Variants in DOCK3 observed in about 807,000 individuals in gnomAD.
DOCK3 encodes dedicator of cytokinesis 3, also known as dedicator of cytokinesis protein 3.
Under a neutral mutation model 265.6 loss-of-function variants are expected in DOCK3, and 60 were observed. The observed-to-expected ratio is 0.23, with a 90% CI of 0.18 to 0.28. DOCK3 has a LOEUF of 0.28. Among genes scored for constraint, DOCK3 ranks in the 10% least tolerant of loss-of-function variants. The pLI is 1.00. For missense variants in DOCK3, 1,981 were observed against 2,594.3 expected (o/e 0.76, Z 5.14); for synonymous variants, 881 against 938.0 (o/e 0.94, Z 1.11).
At chr3:51,319,895 G>A (rs1221557188) in intron 32 of DOCK3, among the ~76,000 whole-genome samples, 3 of 151,846 alleles carry the variant, frequency 2.0e-5, no homozygotes, top group Middle Eastern at 3.4e-3. Flanking sequence ...ACAAAAAAAC[G>A]CAATAGCTAT....
chr3:51,176,372 T>A (rs1301760788), intron 12 of DOCK3, among the ~76,000 whole-genome samples: 1 of 152,018 alleles, frequency 6.6e-6, no homozygotes, highest in African/African-American at 2.4e-5. Context: ...ATCCTAGCAC[T>A]TTGGGAGGCC....
At chr3:51,235,861 A>C (rs961887289) in intron 19 of DOCK3, among the ~76,000 whole-genome samples, 5 of 152,244 alleles carry the variant, frequency 3.3e-5, no homozygotes, top group Admixed American at 3.3e-4. Flanking sequence ...TAGACCAAAA[A>C]ATAGTGTCTG....
chr3:50,991,778 A>T (rs1179784983), intron 5 of DOCK3, among the ~76,000 whole-genome samples: 1 of 152,184 alleles, frequency 6.6e-6, no homozygotes, highest in Admixed American at 6.5e-5. Flanking sequence ...AAAAAAAAAC[A>T]ACAGAATATA....
chr3:51,213,796 A>G (rs1268845181), intron 13 of DOCK3, among the ~76,000 whole-genome samples: 2 of 152,158 alleles, frequency 1.3e-5, no homozygotes, highest in Non-Finnish European at 2.9e-5. Context: ...CAACTTATGT[A>G]GTTGAACCCT....
intron 5 of DOCK3, among the ~76,000 whole-genome samples, chr3:50,980,325 T>G (rs1254262604): frequency 6.6e-6 from 1 of 152,232 alleles, no homozygotes; most frequent in Non-Finnish European, 1.5e-5. Flanking sequence ...CTATGGCTTA[T>G]TATCTTTTTG....
intron 9 of DOCK3, among the ~76,000 whole-genome samples, chr3:51,139,819 C>A (rs549262517): frequency 3.4e-4 from 52 of 152,298 alleles, no homozygotes; most frequent in Middle Eastern, 3.4e-3. Flanking sequence ...AGTGAGCCAG[C>A]CACTTGGGCT....
chr3:50,824,284 G>A (rs1336608413), intron 2 of DOCK3, among the ~76,000 whole-genome samples: 9 of 152,160 alleles, frequency 5.9e-5, no homozygotes, highest in African/African-American at 1.4e-4. Flanking sequence ...CCTGGAAAGC[G>A]TTTCATTCAT....
intron 5 of DOCK3, among the ~76,000 whole-genome samples, chr3:50,945,890 T>A (rs537936900): frequency 6.6e-6 from 1 of 152,098 alleles, no homozygotes; most frequent in African/African-American, 2.4e-5. Flanking sequence ...CTGTAGGGGA[T>A]AATGGGACCC....
At chr3:50,948,539 G>A (rs939827554) in intron 5 of DOCK3, among the ~76,000 whole-genome samples, 2 of 151,548 alleles carry the variant, frequency 1.3e-5, no homozygotes, top group East Asian at 1.9e-4. Flanking sequence ...GAGTAGCTGG[G>A]ACCGCCAAAC....
chr3:51,099,422 C>A (rs7629433), intron 9 of DOCK3, among the ~76,000 whole-genome samples: 137,261 of 152,312 alleles, frequency 0.9, 62,044 homozygotes, highest in African/African-American at 0.95. Context: ...GTCTGGATAA[C>A]AACAGTGAAA....
At chr3:51,309,173 A>C (rs1333570300) in intron 27 of DOCK3, among the ~76,000 whole-genome samples, 1 of 152,088 alleles carries the variant, frequency 6.6e-6, no homozygotes, top group Non-Finnish European at 1.5e-5. Flanking sequence ...CTCACTTCCC[A>C]GACGGGGTGG....
chr3:51,003,217 T>G (rs1240172385), intron 5 of DOCK3, among the ~76,000 whole-genome samples: 1 of 152,214 alleles, frequency 6.6e-6, no homozygotes, highest in Non-Finnish European at 1.5e-5. Flanking sequence ...ATCTCAGTGA[T>G]TCTTCACATT....
At chr3:50,676,258 C>T (rs2033948196) in intron 1 of DOCK3, among the ~76,000 whole-genome samples, 1 of 152,196 alleles carries the variant, frequency 6.6e-6, no homozygotes, top group Non-Finnish European at 1.5e-5. Context: ...CAATTCACTA[C>T]AAAATAACTT....
At chr3:51,140,033 G>T (rs140492805) in intron 9 of DOCK3, among the ~76,000 whole-genome samples, 1 of 152,216 alleles carries the variant, frequency 6.6e-6, no homozygotes, top group Non-Finnish European at 1.5e-5. Context: ...GAGAGTTTAC[G>T]TGTTATCTGA....
At chr3:50,777,765 G>T (rs2041688123) in intron 1 of DOCK3, among the ~76,000 whole-genome samples, 1 of 152,068 alleles carries the variant, frequency 6.6e-6, no homozygotes, top group Admixed American at 6.5e-5. Flanking sequence ...CATTGATTTT[G>T]TTCCTGAGAC....
At chr3:51,190,925 C>G (rs1332446223) in intron 12 of DOCK3, among the ~76,000 whole-genome samples, 1 of 152,136 alleles carries the variant, frequency 6.6e-6, no homozygotes, top group Non-Finnish European at 1.5e-5. Context: ...TTACTGGCCA[C>G]TGAGGTAATG....
At chr3:51,079,316 TTTTA>T (rs2082150075) in intron 7 of DOCK3, among the ~76,000 whole-genome samples, 1 of 151,982 alleles carries the variant, frequency 6.6e-6, no homozygotes, top group East Asian at 1.9e-4. Context: ...TTTGCATTCT[TTTTA>T]TTTGTTTGTT....
intron 1 of DOCK3, among the ~76,000 whole-genome samples, chr3:50,731,105 C>G (rs887176963): frequency 6.7e-6 from 1 of 149,966 alleles, no homozygotes; most frequent in Admixed American, 6.7e-5. Flanking sequence ...GCACTCCAGC[C>G]TGGGTGACTG....
intron 5 of DOCK3, among the ~76,000 whole-genome samples, chr3:50,937,473 T>A (rs1427431610): frequency 6.6e-6 from 1 of 151,984 alleles, no homozygotes; most frequent in Non-Finnish European, 1.5e-5. Context: ...GCTAAGACGG[T>A]GAGACCCTGT....
Sources: gnomAD v4.1 joint callset for allele counts (sites outside exome capture counted in the v4.1 genomes callset) on GRCh38, gnomAD v4.1.1 for gene constraint, MANE v1.5 for transcripts, NCBI Gene and HGNC (gene_info 2026-07-23, HGNC 2026-07-21) for gene names.